Variants in ANKDD1A observed in about 807,000 individuals in gnomAD.
ANKDD1A encodes the protein ankyrin repeat and death domain containing 1A.
ANKDD1A carries 59 observed loss-of-function variants against 63.5 expected under a neutral mutation model. The observed-to-expected ratio is 0.93, with a 90% CI of 0.75 to 1.15. The LOEUF is 1.15. Ranked by LOEUF, ANKDD1A falls within the 50% of genes most tolerant of loss-of-function variation. The pLI, the probability that ANKDD1A is intolerant of heterozygous loss-of-function variation, is 0.00. For synonymous variants in ANKDD1A, 266 were observed against 263.9 expected (o/e 1.01, Z -0.08); for missense variants, 632 against 656.4 (o/e 0.96, Z 0.41).
chr15:64,912,752 G>C (rs2084941045), intron 1 of ANKDD1A, among the ~76,000 whole-genome samples: 1 of 152,258 alleles, frequency 6.6e-6, no homozygotes, highest in Non-Finnish European at 1.5e-5. Context: ...GCATAGTGCA[G>C]CTCACTGGAT....
At chr15:64,926,752 T>G in intron 5 of ANKDD1A, 149 bp from the exon 6 acceptor site, 3 of 740,908 alleles carry the variant, frequency 4.0e-6, no homozygotes, top group Non-Finnish European at 6.8e-6. Context: ...CCAGGCAGGG[T>G]GTGGGGAGGC....
At chr15:64,939,238 G>T (rs1296370472) in intron 9 of ANKDD1A, among the ~76,000 whole-genome samples, 1 of 152,126 alleles carries the variant, frequency 6.6e-6, no homozygotes, top group African/African-American at 2.4e-5. Flanking sequence ...GGTCAAGGCT[G>T]CAGTGAGCCA....
At chr15:64,943,623 G>C (rs778330014) in intron 11 of ANKDD1A, 41 bp downstream of exon 11, 3 of 1,594,236 alleles carry the variant, frequency 1.9e-6, no homozygotes, top group Non-Finnish European at 1.7e-6. Context: ...GGCTTTCATG[G>C]CTCCCCCCTT....
At chr15:64,933,970 G>A (rs189285768) in intron 8 of ANKDD1A, 166 bp from the exon 9 acceptor site, 28 of 514,734 alleles carry the variant, frequency 5.4e-5, no homozygotes, top group Admixed American at 7.2e-5. Flanking sequence ...CCTTTTACTG[G>A]TCATGAGACC....
At chr15:64,933,972 C>G in intron 8 of ANKDD1A, 164 bp from the exon 9 acceptor site, 1 of 518,438 alleles carries the variant, frequency 1.9e-6, no homozygotes, top group Middle Eastern at 2.9e-4. Context: ...TTTTACTGGT[C>G]ATGAGACCTG....
intron 13 of ANKDD1A, among the ~76,000 whole-genome samples, chr15:64,948,794 C>A (rs1595856964): frequency 6.6e-6 from 1 of 152,146 alleles, no homozygotes; most frequent in Non-Finnish European, 1.5e-5. Flanking sequence ...CCACTACACT[C>A]CAGCCTGGGG....
At chr15:64,925,665 G>A (rs1279723432) in intron 4 of ANKDD1A, among the ~76,000 whole-genome samples, 3 of 152,160 alleles carry the variant, frequency 2.0e-5, no homozygotes, top group African/African-American at 4.8e-5. Flanking sequence ...AGTGCTACAC[G>A]ACCTCACCGT....
chr15:64,923,631 G>GA (rs2085024078), intron 4 of ANKDD1A, among the ~76,000 whole-genome samples: 1 of 152,170 alleles, frequency 6.6e-6, no homozygotes, highest in South Asian at 2.1e-4. Flanking sequence ...ATTTGGGTTG[G>GA]AAAATCCATC....
At chr15:64,924,256 T>C (rs2140368207) in intron 4 of ANKDD1A, among the ~76,000 whole-genome samples, 1 of 152,362 alleles carries the variant, frequency 6.6e-6, no homozygotes, top group South Asian at 2.1e-4. Context: ...GACTTCCTTA[T>C]GTGTCTGCCT....
Position 64,947,408 on chromosome 15 carries a change from A to C in ANKDD1A, c.1166A>C (p.His389Pro). The change falls in exon 13 of 15, where the codon CAC (histidine) becomes CCC (proline). Residue 389 changes from histidine to proline, a missense_variant. Coordinates refer to ENST00000319580, the MANE Select transcript of ANKDD1A (RefSeq NM_182703.6). ...ADRFYRWEKDHPSDPSGKSLS... is the reference protein window; with the variant it reads ...ADRFYRWEKDPPSDPSGKSLS... ...CTTTTGGGATCTGCCCCACAGGACC[A>C]CCCCAGTGATCCCTCTGGGAAGAGC... 1 of 1,611,688 alleles carries C rather than the reference A, an allele frequency of 6.2e-7. No individual in the cohort carries two copies. The highest frequency in any genetic ancestry group is 8.5e-7 in the Non-Finnish European group (1 of 1,178,072).
At chr15:64,937,192 C>T (rs997026324) in intron 9 of ANKDD1A, among the ~76,000 whole-genome samples, 1 of 149,992 alleles carries the variant, frequency 6.7e-6, no homozygotes, top group Non-Finnish European at 1.5e-5. Context: ...GAAGTTGGTA[C>T]GATCTGTTCA....
chr15:64,936,003 C>T (rs1337434118), intron 9 of ANKDD1A, among the ~76,000 whole-genome samples: 4 of 152,080 alleles, frequency 2.6e-5, no homozygotes, highest in Non-Finnish European at 4.4e-5. Flanking sequence ...CTGAATAATC[C>T]TGGGCAAGCT....
At chr15:64,925,281 T>C (rs982627506) in intron 4 of ANKDD1A, among the ~76,000 whole-genome samples, 9 of 149,708 alleles carry the variant, frequency 6.0e-5, no homozygotes, top group Admixed American at 2.0e-4. Context: ...TTATATTCAC[T>C]GAGATTTGAC....
intron 9 of ANKDD1A, among the ~76,000 whole-genome samples, chr15:64,938,988 T>C (rs2085158752): frequency 6.7e-6 from 1 of 149,832 alleles, no homozygotes; most frequent in South Asian, 2.1e-4. Flanking sequence ...AGAGTATGGA[T>C]GTTAAGTTCT....
rs767875544 is a variant in ANKDD1A at position 64,954,932 on chromosome 15, TTCTTCTTGTC to T, written c.1484-2163_1484-2154del. Among the ~76,000 whole-genome samples the T allele has an allele frequency of 6.6e-4, 99 of 149,686 alleles. 1 individual carries two copies. The Middle Eastern group carries it at 0.01, about 15-fold the overall frequency. On this transcript the variant is annotated intron_variant, in intron 14 of 14. Coordinates refer to ENST00000319580, the MANE Select transcript of ANKDD1A (RefSeq NM_182703.6). ...TGTCTCTTCTCTCTCCTTCTTCTCCTTCTTCTTGTCTCTTCTTCTCTCTCCTTCTTCTTCT... is the reference window on the plus strand; with the variant it reads ...TGTCTCTTCTCTCTCCTTCTTCTCCTTCTTCTTCTCTCTCCTTCTTCTTCT...
Position 64,911,954 on chromosome 15 carries a change from G to A in ANKDD1A, c.24G>A (p.Glu8=). The change falls in exon 1 of 15, where the codon GAG becomes GAA. Residue 8 remains glutamate (E), a synonymous_variant. Transcript: ENST00000319580. The part of the protein sequence containing the change: MQEELAW[E]TDGLLPLERQ... ...GGATGCAGGAGGAGCTGGCGTGGGA[G>A]ACCGACGGCCGTGAGTCTGCCTGGA... 1.7e-6 allele frequency: 2 copies of A among 1,146,288 alleles called. No homozygotes were observed. The highest frequency in any genetic ancestry group is 2.2e-6 in the Non-Finnish European group (2 of 926,552). 71.0% of individuals were successfully genotyped at this position (1,146,288 alleles called of 1,614,324 possible).
chr15:64,952,874 TTTC>T (rs142427791), intron 14 of ANKDD1A, among the ~76,000 whole-genome samples: 2,824 of 121,126 alleles, frequency 0.023, 51 homozygotes, highest in South Asian at 0.037. Context: ...TTTTCTTCTC[TTTC>T]TTCTTCTCCT....
At chr15:64,940,765 G>A (rs1871177684) in intron 9 of ANKDD1A, among the ~76,000 whole-genome samples, 1 of 151,646 alleles carries the variant, frequency 6.6e-6, no homozygotes. Flanking sequence ...TAGAGACAAG[G>A]TCTCACTCTG....
At chr15:64,933,880 C>T (rs1036860702) in intron 8 of ANKDD1A, among the ~76,000 whole-genome samples, 1 of 151,962 alleles carries the variant, frequency 6.6e-6, no homozygotes, top group Non-Finnish European at 1.5e-5. Context: ...TCTTTACCAG[C>T]CATAGAATTG....
Sources: allele counts gnomAD v4.1 joint callset (sites outside exome capture counted in the v4.1 genomes callset), GRCh38; gene constraint gnomAD v4.1.1; transcripts MANE v1.5; gene names NCBI Gene and HGNC (gene_info 2026-07-23, HGNC 2026-07-21).